ADARB1: variants seen among roughly 807,000 people sequenced by gnomAD.
ADARB1 encodes double-stranded RNA-specific editase 1.
ADARB1 carries 10 observed loss-of-function variants against 52.4 expected under a neutral mutation model. The observed-to-expected ratio is 0.19, with a 90% CI of 0.12 to 0.32. The LOEUF (loss-of-function observed/expected upper bound fraction) is 0.32, where lower values mean the gene tolerates loss of function less well. Ranked by LOEUF, ADARB1 falls within the 10% of genes least tolerant of loss-of-function variation. ADARB1 has a pLI of 1.00. For missense variants in ADARB1, 643 were observed against 922.3 expected (o/e 0.70, Z 3.92); for synonymous variants, 349 against 371.1 (o/e 0.94, Z 0.68).
At chr21:45,098,190 AC>A (rs2086847090) in intron 1 of ADARB1, among the ~76,000 whole-genome samples, 1 of 151,948 alleles carries the variant, frequency 6.6e-6, no homozygotes, top group African/African-American at 2.4e-5. Flanking sequence ...TGCAGGCTCC[AC>A]GGACCCACCA....
At chr21:45,101,418 T>C (rs2087010286) in intron 1 of ADARB1, among the ~76,000 whole-genome samples, 2 of 152,326 alleles carry the variant, frequency 1.3e-5, no homozygotes, top group East Asian at 3.9e-4. Context: ...ACACCTAGGC[T>C]CCCTTCTTTC....
At chr21:45,131,691 C>A (rs2145843123) in intron 2 of ADARB1, among the ~76,000 whole-genome samples, 1 of 152,352 alleles carries the variant, frequency 6.6e-6, no homozygotes, top group South Asian at 2.1e-4. Flanking sequence ...TCTCTCGAAG[C>A]CTTGACTGAA....
At chr21:45,109,715 T>G (rs1273104950) in intron 1 of ADARB1, among the ~76,000 whole-genome samples, 2 of 152,248 alleles carry the variant, frequency 1.3e-5, no homozygotes, top group Non-Finnish European at 2.9e-5. Context: ...ACCTTTTGGT[T>G]GTTTCCAGGT....
In ADARB1 at chr21:45,222,128, C is replaced by T. The variant is rs1169498154; in HGVS notation, c.2037C>T (p.Phe679=). 1 of 1,611,764 alleles carries T rather than the reference C, an allele frequency of 6.2e-7. No homozygotes were observed. Among genetic ancestry groups the T allele is most frequent in the Non-Finnish European group, 8.5e-7 (1 of 1,179,216 alleles). The change falls in exon 11 of 11, where the codon TTC becomes TTT. Residue 679 remains phenylalanine (F), a synonymous_variant. Transcript: ENST00000348831. ...CCAAGGCGCGTCTGTTCACAGCCTT[C>T]ATCAAGGCGGGGCTGGGGGCCTGGG... ...QAAKARLFTA[F]IKAGLGAWVE...
intron 2 of ADARB1, among the ~76,000 whole-genome samples, chr21:45,131,069 T>C (rs1389012320): frequency 6.6e-6 from 1 of 152,212 alleles, no homozygotes; most frequent in African/African-American, 2.4e-5. Context: ...ACAGAAGATA[T>C]TACCTTATAT....
In ADARB1 at chr21:45,204,188, G is replaced by A. The variant is rs538480761; in HGVS notation, c.1566-367G>A. Among the ~76,000 whole-genome samples the A allele has an allele frequency of 1.3e-5, 2 of 152,144 alleles. No homozygotes were observed. On this transcript the variant is annotated intron_variant, in intron 8 of 10. Coordinates refer to ENST00000348831, the MANE Select transcript of ADARB1 (RefSeq NM_001112.4). The surrounding 1 kb of genome is among the most constrained non-coding windows in gnomAD (Gnocchi z 4.4). ...TTTTCATTTAATATCTTCAGATCAC[G>A]GTTGACAGTGAGTAACTGAAACCTC...
intron 5 of ADARB1, 124 bp from the exon 6 acceptor site, chr21:45,182,461 C>A: frequency 9.6e-7 from 1 of 1,037,420 alleles, no homozygotes. Flanking sequence ...TGAAGATGAG[C>A]TTGAAAAGTC....
At chr21:45,082,892 T>G (rs2086207113) in intron 1 of ADARB1, among the ~76,000 whole-genome samples, 1 of 152,222 alleles carries the variant, frequency 6.6e-6, no homozygotes, top group Non-Finnish European at 1.5e-5. Flanking sequence ...AGACATCACG[T>G]CATTCTCCTG....
chr21:45,202,995 C>A (rs2092590916), intron 8 of ADARB1, among the ~76,000 whole-genome samples: 1 of 151,966 alleles, frequency 6.6e-6, no homozygotes, highest in Non-Finnish European at 1.5e-5. Flanking sequence ...TGAGCGTCTT[C>A]CCCTGCAGCG....
chr21:45,140,491 G>A (rs558301883), intron 2 of ADARB1, among the ~76,000 whole-genome samples: 5 of 152,304 alleles, frequency 3.3e-5, no homozygotes, highest in African/African-American at 9.6e-5. Context: ...TTGCTGTGGT[G>A]TGGAGCGTTG....
At chr21:45,183,547 A>G in intron 7 of ADARB1, 37 bp downstream of exon 7, 1 of 1,606,774 alleles carries the variant, frequency 6.2e-7, no homozygotes, top group Non-Finnish European at 8.5e-7. Flanking sequence ...CAGTTTCTCA[A>G]GAAAATGTTA....
At chr21:45,105,082 GTT>G (rs2087188539) in intron 1 of ADARB1, among the ~76,000 whole-genome samples, 2 of 1,218 alleles carry the variant, frequency 1.6e-3, no homozygotes, top group African/African-American at 4.7e-3. Flanking sequence ...CTGCTTCGTT[GTT>G]TTGTTTTGTT....
chr21:45,147,501 A>C (rs1321078876), intron 2 of ADARB1, among the ~76,000 whole-genome samples: 1 of 152,204 alleles, frequency 6.6e-6, no homozygotes, highest in Non-Finnish European at 1.5e-5. Context: ...ATTTTGTGCA[A>C]GGTGACTTGT....
rs985625890 is a variant in ADARB1 at position 45,221,908 on chromosome 21, C to T, written c.1927-110C>T. ...AAGGCGCCTTCCTCTGGGTTGCTTT[C>T]CCCCCAGAAGCCAATGCAGTTCTGA... On this transcript the variant is annotated intron_variant, in intron 10 of 10. Coordinates refer to ENST00000348831, the MANE Select transcript of ADARB1 (RefSeq NM_001112.4). The surrounding 1 kb of genome is among the most constrained non-coding windows in gnomAD (Gnocchi z 4.9). The T allele has an allele frequency of 1.3e-4, 164 of 1,234,910 alleles. No individual in the cohort carries two copies. Among genetic ancestry groups the T allele is most frequent in the Admixed American group, 1.4e-4 (6 of 42,570 alleles). The allele number at this position is 1,234,910 out of a possible 1,614,324, so 76.5% of individuals were successfully genotyped here.
At position 45,182,710 on chromosome 21, in the gene ADARB1, T is replaced by G. The variant is rs1156464628; in HGVS notation, c.1204T>G (p.Ser402Ala). 5.0e-6 allele frequency: 8 copies of G among 1,610,376 alleles called. No homozygotes were observed. The highest frequency in any genetic ancestry group is 1.3e-5 in the African/African-American group (1 of 74,646). Reference sequence around the variant, plus strand: ...CCATGCAGAAATAATATCTCGGAGATCCTTGCTCAGATTTCTTTATACACA... The same window carrying G: ...CCATGCAGAAATAATATCTCGGAGAGCCTTGCTCAGATTTCTTTATACACA... ...DCHAEIISRR[S>A]LLRFLYTQLE... is the part of the protein sequence containing the mutation. The change falls in exon 6 of 11, where the codon TCC becomes GCC. Residue 402 changes from serine (S) to alanine (A), a missense_variant. Transcript: ENST00000348831.
chr21:45,135,105 T>C (rs192919184), intron 2 of ADARB1, among the ~76,000 whole-genome samples: 2 of 152,122 alleles, frequency 1.3e-5, no homozygotes, highest in Admixed American at 1.3e-4. Flanking sequence ...AAGCCAAAGG[T>C]TTATAGAAAT....
chr21:45,197,432 A>G (rs1001098363), intron 8 of ADARB1, among the ~76,000 whole-genome samples: 4 of 149,700 alleles, frequency 2.7e-5, no homozygotes, highest in African/African-American at 9.9e-5. Context: ...CCTGGGAGGT[A>G]GAGGTTGTGG....
At chr21:45,083,798 G>A (rs1568991785) in intron 1 of ADARB1, among the ~76,000 whole-genome samples, 1 of 152,092 alleles carries the variant, frequency 6.6e-6, no homozygotes, top group Non-Finnish European at 1.5e-5. Flanking sequence ...GGGTTCAAGC[G>A]ATCCTCCCGC....
At chr21:45,141,738 TGGGTCACCTTAGCCACCCCA>T (rs2089734454) in intron 2 of ADARB1, among the ~76,000 whole-genome samples, 1 of 150,510 alleles carries the variant, frequency 6.6e-6, no homozygotes, top group Admixed American at 6.6e-5. Context: ...TTAGCATCCC[TGGGTCACCTTAGCCACCCCA>T]GGGTCACCTT....
Sources: gnomAD v4.1 joint callset for allele counts (sites outside exome capture counted in the v4.1 genomes callset) on GRCh38, gnomAD v4.1.1 for gene constraint, Gnocchi (gnomAD v3.1) non-coding constraint, MANE v1.5 for transcripts, NCBI Gene and HGNC (gene_info 2026-07-23, HGNC 2026-07-21) for gene names.